TLR3: variants seen among roughly 807,000 people sequenced by gnomAD.
TLR3 encodes the protein toll like receptor 3, also known as toll-like receptor 3.
A neutral mutation model predicts 66.4 loss-of-function variants in TLR3; 43 were observed. That is an observed-to-expected ratio of 0.65 (90% confidence interval 0.51 to 0.83). The LOEUF is 0.83. Ranked by LOEUF, TLR3 falls within the 40% of genes least tolerant of loss-of-function variation. The pLI, the probability that TLR3 is intolerant of heterozygous loss-of-function variation, is 0.00. For synonymous variants in TLR3, 397 were observed against 397.2 expected (o/e 1.00, Z 0.01); for missense variants, 982 against 1,044.6 (o/e 0.94, Z 0.83).
In TLR3 at chr4:186,083,693, T is replaced by A; in HGVS notation, c.2007T>A (p.Pro669=). 1 of 1,601,956 alleles carries A rather than the reference T, an allele frequency of 6.2e-7. No homozygotes were observed. The highest frequency in any genetic ancestry group is 1.3e-5 in the African/African-American group (1 of 74,704). Residue 669 remains proline, a synonymous_variant, in exon 4 of 5, where the codon CCT becomes CCA. Coordinates refer to ENST00000296795, the MANE Select transcript of TLR3 (RefSeq NM_003265.3). This position sits in a 1 kb window ranked among gnomAD's most constrained non-coding sequence, Gnocchi z 4.0. ...TTAACGAGACCCATACCAACATCCC[T>A]GAGCTGTCAAGCCACTACCTTTGCA... ...NWINETHTNI[P]ELSSHYLCNT... is the part of the protein sequence containing the mutation.
chr4:186,078,749 CTGT>C, intron 2 of TLR3, 88 bp from the exon 3 acceptor site: 1 of 1,020,084 alleles, frequency 9.8e-7, no homozygotes, highest in South Asian at 1.4e-5. Flanking sequence ...GTTGATTTTG[CTGT>C]TGAAGTATTT....
chr4:186,082,789 C>T lies in TLR3; in HGVS notation c.1103C>T (p.Pro368Leu), dbSNP rs1456005454. ...EHLNMEDNDI[P>L]GIKSNMFTGL... is the part of the protein sequence containing the mutation. ...CTTAACATGGAAGATAATGATATTCCAGGCATAAAAAGCAATATGTTCACA... is the reference window on the plus strand; with the variant it reads ...CTTAACATGGAAGATAATGATATTCTAGGCATAAAAAGCAATATGTTCACA... Residue 368 changes from proline (P) to leucine (L), a missense_variant, in exon 4 of 5, where the codon CCA becomes CTA. By Grantham distance (98) the Pro-to-Leu change is moderately conservative. This residue lies in a region of TLR3 where 666 missense variants were observed against 709.0 expected (regional missense o/e 0.94). Transcript: ENST00000296795. 2 of 1,613,932 alleles carry T rather than the reference C, an allele frequency of 1.2e-6. No individual in the cohort carries two copies. Among genetic ancestry groups the T allele is most frequent in the African/African-American group, 1.3e-5 (1 of 74,884 alleles).
intron 3 of TLR3, among the ~76,000 whole-genome samples, chr4:186,081,342 C>T (rs1217574267): frequency 6.6e-6 from 1 of 152,224 alleles, no homozygotes; most frequent in Middle Eastern, 3.4e-3. Context: ...CCGGAACTGG[C>T]CTCCATTCTC....
chr4:186,078,469 T>G (rs973691133), intron 2 of TLR3, among the ~76,000 whole-genome samples: 5 of 152,216 alleles, frequency 3.3e-5, no homozygotes, highest in Non-Finnish European at 7.4e-5. Context: ...ACTGTGTGTT[T>G]GATAAGCCAT....
At chr4:186,072,367 A>C (rs1160597756) in intron 1 of TLR3, among the ~76,000 whole-genome samples, 1 of 152,130 alleles carries the variant, frequency 6.6e-6, no homozygotes, top group East Asian at 1.9e-4. Context: ...GCTGGAGTGC[A>C]TGTGGTGGGA....
chr4:186,085,040 C>A lies in TLR3; in HGVS notation c.*167C>A. On this transcript the variant is annotated 3_prime_UTR_variant, in exon 5 of 5. Transcript: ENST00000296795. ...TCTAGGAAAATGTGTCTCCTTATTTCAGGCCTATTTTTGACAATTGACTTA... is the reference window on the plus strand; with the variant it reads ...TCTAGGAAAATGTGTCTCCTTATTTAAGGCCTATTTTTGACAATTGACTTA... 1.5e-6 allele frequency: 1 copy of A among 649,072 alleles called. No individual in the cohort carries two copies. The highest frequency in any genetic ancestry group is 2.6e-6 in the Non-Finnish European group (1 of 380,244). 40.2% of individuals were successfully genotyped at this position (649,072 alleles called of 1,614,324 possible). A position where few individuals can be genotyped will look rare whatever the true frequency, so the allele number is the denominator to read the frequency against.
In TLR3 at chr4:186,076,639, G is replaced by T; in HGVS notation, c.20G>T (p.Cys7Phe). ...AGAATCATGAGACAGACTTTGCCTT[G>T]TATCTACTTTTGGGGGGGCCTTTTG... Reference protein sequence around the residue: MRQTLPCIYFWGGLLPF... With the variant: MRQTLPFIYFWGGLLPF... Residue 7 changes from cysteine (C) to phenylalanine (F), a missense_variant, in exon 2 of 5, where the codon TGT becomes TTT. Transcript: ENST00000296795. The T allele has an allele frequency of 1.2e-6, 2 of 1,614,104 alleles. No individual in the cohort carries two copies. The highest frequency in any genetic ancestry group is 1.7e-6 in the Non-Finnish European group (2 of 1,180,018).
Position 186,082,818 on chromosome 4 carries a change from T to C in TLR3, c.1132T>C (p.Leu378=). 1 of 1,614,080 alleles carries C rather than the reference T, an allele frequency of 6.2e-7. No individual in the cohort carries two copies. The highest frequency in any genetic ancestry group is 8.5e-7 in the Non-Finnish European group (1 of 1,179,980). The part of the protein sequence containing the change: ...PGIKSNMFTG[L]INLKYLSLSN... Reference sequence around the variant, plus strand: ...CATAAAAAGCAATATGTTCACAGGATTGATAAACCTGAAATACTTAAGTCT... The same window carrying C: ...CATAAAAAGCAATATGTTCACAGGACTGATAAACCTGAAATACTTAAGTCT... Residue 378 remains leucine, a synonymous_variant, in exon 4 of 5, where the codon TTG becomes CTG. Transcript: ENST00000296795.
chr4:186,082,224 C>CAAAAAAAAAAAAAAAAAAAAAAAAA (rs549369747), intron 3 of TLR3, 96 bp from the exon 4 acceptor site: 1 of 284,072 alleles, frequency 3.5e-6, no homozygotes, highest in African/African-American at 4.2e-5. Flanking sequence ...GACTCCGTCT[C>CAAAAAAAAAAAAAAAAAAAAAAAAA]AAAAAAAAAA....
In TLR3 at chr4:186,083,018, G is replaced by A. The variant is rs1331807010; in HGVS notation, c.1332G>A (p.Gly444=). The change falls in exon 4 of 5, where the codon GGG becomes GGA. Residue 444 remains glycine (G), a synonymous_variant. Transcript: ENST00000296795. The surrounding 1 kb of genome is among the most constrained non-coding windows in gnomAD (Gnocchi z 4.0). The stretch of plus-strand genomic sequence containing the variant: ...TTGACCTGGGCCTTAATGAAATTGG[G>A]CAAGAACTCACAGGCCAGGAATGGA... ...EVLDLGLNEI[G]QELTGQEWRG... 3 of 1,614,126 alleles carry A rather than the reference G, an allele frequency of 1.9e-6. No individual in the cohort carries two copies. Among genetic ancestry groups the A allele is most frequent in the Non-Finnish European group, 2.5e-6 (3 of 1,180,038 alleles).
Position 186,084,857 on chromosome 4 carries a change from A to G in TLR3, c.2699A>G (p.Lys900Arg). ...RHKLQVALGS[K>R]NSVH ...AAATTGCAAGTAGCACTTGGATCCA[A>G]AAACTCTGTACATTAAATTTATTTA... is the stretch of plus-strand genomic sequence containing the variant. Residue 900 changes from lysine to arginine, a missense_variant, in exon 5 of 5, where the codon AAA (lysine) becomes AGA (arginine). This residue lies in a region of TLR3 where 666 missense variants were observed against 709.0 expected (regional missense o/e 0.94). Transcript: ENST00000296795. 1.2e-6 allele frequency: 2 copies of G among 1,613,506 alleles called. No homozygotes were observed. The highest frequency in any genetic ancestry group is 8.5e-7 in the Non-Finnish European group (1 of 1,179,592).
At position 186,084,173 on chromosome 4, in the gene TLR3, G is replaced by A. The variant is rs1310843725; in HGVS notation, c.2486+1G>A. On this transcript the variant is annotated splice_donor_variant, in intron 4 of 4. Coordinates refer to ENST00000296795, the MANE Select transcript of TLR3 (RefSeq NM_003265.3). LOFTEE classifies it high-confidence loss of function. ...TATTAAAAGACCCATTATGCAAAAG[G>A]TAGGTAAACATTGTGAAATTTTAAG... The A allele has an allele frequency of 6.2e-7, 1 of 1,612,890 alleles. No homozygotes were observed. Among genetic ancestry groups the A allele is most frequent in the Admixed American group, 1.7e-5 (1 of 59,918 alleles).
chr4:186,080,687 G>A, intron 3 of TLR3, among the ~76,000 whole-genome samples: 1 of 152,106 alleles, frequency 6.6e-6, no homozygotes, highest in East Asian at 1.9e-4. Flanking sequence ...CGACTCCCGG[G>A]TTCAAGCGAT....
At position 186,083,711 on chromosome 4, in the gene TLR3, C is replaced by A. The variant is rs760500751; in HGVS notation, c.2025C>A (p.Tyr675Ter). The A allele has an allele frequency of 3.1e-6, 5 of 1,607,240 alleles. No individual in the cohort carries two copies. Among genetic ancestry groups the A allele is most frequent in the East Asian group, 4.5e-5 (2 of 44,842 alleles). ...ACATCCCTGAGCTGTCAAGCCACTA[C>A]CTTTGCAACACTCCACCTCACTATC... ...HTNIPELSSH[Y>*]LCNTPPHYHG... The change falls in exon 4 of 5, where the codon TAC becomes TAA. Residue 675 changes from tyrosine (Y) to a stop codon, truncating the protein, a stop_gained. Transcript: ENST00000296795. LOFTEE classifies it high-confidence loss of function. The surrounding 1 kb of genome is among the most constrained non-coding windows in gnomAD (Gnocchi z 4.0).
intron 1 of TLR3, among the ~76,000 whole-genome samples, chr4:186,073,651 G>A (rs2099301913): frequency 6.6e-6 from 1 of 152,116 alleles, no homozygotes. Flanking sequence ...ACACCATAAA[G>A]CTTTTTAGAG....
At chr4:186,074,695 C>T (rs916361165) in intron 1 of TLR3, among the ~76,000 whole-genome samples, 37 of 152,110 alleles carry the variant, frequency 2.4e-4, no homozygotes, top group Non-Finnish European at 5.1e-4. Context: ...CTTTTTGACT[C>T]GTGTAATAAT....
intron 3 of TLR3, among the ~76,000 whole-genome samples, chr4:186,079,912 G>A (rs2099303139): frequency 6.6e-6 from 1 of 152,206 alleles, no homozygotes. Context: ...GCTTTGAGCT[G>A]CACTGACAGC....
chr4:186,077,430 T>A (rs954956252), intron 2 of TLR3, among the ~76,000 whole-genome samples: 1 of 152,144 alleles, frequency 6.6e-6, no homozygotes, highest in African/African-American at 2.4e-5. Flanking sequence ...CTGACTTAAA[T>A]AAAATTAACA....
chr4:186,084,221 A>AC lies in TLR3; in HGVS notation c.2486+49_2486+50insC, dbSNP rs369188057. On this transcript the variant is annotated intron_variant, in intron 4 of 4. Coordinates refer to ENST00000296795, the MANE Select transcript of TLR3 (RefSeq NM_003265.3). ...AAGTGTGTACTTGCTTTTCAATTAA[A>AC]TTTCTTTTTTTTTTTTTGAGATGGA... 35 of 1,481,130 alleles carry AC rather than the reference A, an allele frequency of 2.4e-5. 2 individuals are homozygous for AC. The highest frequency in any genetic ancestry group is 1.9e-4 in the Middle Eastern group (1 of 5,222). The allele number at this position is 1,481,130 out of a possible 1,614,324, so 91.7% of individuals were successfully genotyped here. A position where few individuals can be genotyped will look rare whatever the true frequency, so the allele number is the denominator to read the frequency against.
Sources: gnomAD v4.1 joint callset for allele counts (sites outside exome capture counted in the v4.1 genomes callset) on GRCh38, gnomAD v4.1.1 for gene constraint, gnomAD v4.1.1 regional missense constraint, Gnocchi (gnomAD v3.1) non-coding constraint, MANE v1.5 for transcripts, NCBI Gene and HGNC (gene_info 2026-07-23, HGNC 2026-07-21) for gene names.